FAM153A: variants seen among roughly 807,000 people sequenced by gnomAD.
The protein encoded by FAM153A is protein FAM153A.
In FAM153A, 12 loss-of-function variants were observed where a neutral mutation model predicts 48.1. The ratio of observed to expected loss-of-function variants is 0.25; its 90% CI spans 0.16 to 0.40. The LOEUF (loss-of-function observed/expected upper bound fraction) is 0.40, where lower values mean the gene tolerates loss of function less well. Among genes scored for constraint, FAM153A ranks in the 10% least tolerant of loss-of-function variants. FAM153A has a pLI of 1.00. For missense variants in FAM153A, 111 were observed against 345.8 expected (o/e 0.32, Z 5.38); for synonymous variants, 36 against 118.2 (o/e 0.30, Z 4.51).
the FAM153A span, among the ~76,000 whole-genome samples, chr5:177,696,030 G>GGGT: frequency 7.8e-4 from 105 of 134,246 alleles, no homozygotes; most frequent in Non-Finnish European, 1.1e-3. Context: ...TTCCTAGATG[G>GGGT]GGCGGCCGGG....
At chr5:177,702,316 A>G in the FAM153A span, among the ~76,000 whole-genome samples, 3 of 151,828 alleles carry the variant, frequency 2.0e-5, no homozygotes, top group Admixed American at 1.3e-4. Flanking sequence ...GATTTAGGCT[A>G]TCTGGTGGAA....
chr5:177,730,630 A>T (rs1763651217), intron 16 of FAM153A, among the ~76,000 whole-genome samples: 1 of 126,516 alleles, frequency 7.9e-6, no homozygotes, highest in East Asian at 2.6e-4. Context: ...ATTCTCCCAC[A>T]TGCACACAGA....
upstream of FAM153A, among the ~76,000 whole-genome samples, chr5:177,754,546 G>C (rs549362313): frequency 6.6e-6 from 1 of 151,860 alleles, no homozygotes. Context: ...TCCTCAAGTG[G>C]GTCCCTGACC....
chr5:177,738,323 C>T (rs1298528350), intron 10 of FAM153A, among the ~76,000 whole-genome samples: 4 of 151,360 alleles, frequency 2.6e-5, no homozygotes, highest in Non-Finnish European at 5.9e-5. Context: ...GAAAATAACA[C>T]AGCACTGCAG....
exon 27 of FAM153A, chr5:177,711,415 A>G (rs1298818275): frequency 6.6e-6 from 1 of 152,006 alleles, no homozygotes; most frequent in Non-Finnish European, 1.5e-5. Flanking sequence ...TCAAATATAC[A>G]AGGATAGACC....
At chr5:177,771,862 G>T (rs1410185342) in intron 1 of FAM153A, among the ~76,000 whole-genome samples, 3 of 95,334 alleles carry the variant, frequency 3.1e-5, no homozygotes, top group African/African-American at 1.3e-4. Context: ...GAGGCTGGGG[G>T]AATTAAGCAG....
downstream of FAM153A, among the ~76,000 whole-genome samples, chr5:177,718,806 A>G (rs867585105): frequency 0.013 from 1,946 of 147,226 alleles, 75 homozygotes; most frequent in African/African-American, 0.047. Flanking sequence ...TAAGAAAAAA[A>G]TAAAGCAGGC....
In FAM153A at chr5:177,728,437, A is replaced by G. The variant is rs1270393627; in HGVS notation, c.964+586T>C. On this transcript the variant is annotated intron_variant, in intron 18 of 20. Coordinates refer to ENST00000614127, the Ensembl canonical transcript of FAM153A. ...AAAGACATCCACAATCATTCCATAT[A>G]GACTCTCTCCTCTGTCCCTCCCAAC... 1.2e-4 allele frequency among the ~76,000 whole-genome samples: 18 copies of G among 148,988 alleles called. 1 individual carries two copies. The highest frequency in any genetic ancestry group is 4.3e-4 in the African/African-American group (17 of 39,338).
chr5:177,723,336 C>T (rs1338547955), downstream of FAM153A: 1 of 91,820 alleles, frequency 1.1e-5, no homozygotes, highest in African/African-American at 4.6e-5. Context: ...TGTATATGTA[C>T]ACACACACAC....
chr5:177,705,835 T>C (rs1757836412), downstream of FAM153A, among the ~76,000 whole-genome samples: 1 of 151,160 alleles, frequency 6.6e-6, no homozygotes, highest in African/African-American at 2.4e-5. Context: ...AATTTTTGTA[T>C]TTTTAGTGGA....
downstream of FAM153A, among the ~76,000 whole-genome samples, chr5:177,705,610 G>A: frequency 7.0e-6 from 1 of 143,750 alleles, no homozygotes; most frequent in Non-Finnish European, 1.5e-5. Flanking sequence ...CAAAAGAAGT[G>A]TAAAACTTGT....
the FAM153A span, among the ~76,000 whole-genome samples, chr5:177,702,554 T>C: frequency 6.6e-6 from 1 of 151,998 alleles, no homozygotes; most frequent in Admixed American, 6.5e-5. Flanking sequence ...CAAGTGCTAA[T>C]AGCCAAGACA....
At chr5:177,711,203 CTG>C (rs914858005) in exon 27 of FAM153A, 2 of 151,302 alleles carry the variant, frequency 1.3e-5, no homozygotes, top group African/African-American at 2.4e-5. Flanking sequence ...CTTCTGAAGA[CTG>C]TACTGGAATT....
At chr5:177,760,232 G>A (rs1348886815) in intron 1 of FAM153A, among the ~76,000 whole-genome samples, 2 of 74,010 alleles carry the variant, frequency 2.7e-5, no homozygotes, top group Non-Finnish European at 5.1e-5. Context: ...AATTGGGAAA[G>A]ACCTTTTTTT....
At chr5:177,718,312 G>A (rs1760283702), downstream of FAM153A, 1 of 76,852 alleles carries the variant, frequency 1.3e-5, no homozygotes. Context: ...GGAAGGTGCA[G>A]GCATTTCTTA....
At chr5:177,778,711 T>C (rs1300866362) in intron 1 of FAM153A, among the ~76,000 whole-genome samples, 1 of 96,828 alleles carries the variant, frequency 1.0e-5, no homozygotes, top group Admixed American at 1.1e-4. Context: ...AAGCAGAAGT[T>C]GCAGGGAGCC....
Position 177,746,141 on chromosome 5 carries a change from A to G in FAM153A, c.260-1174T>C, listed in dbSNP as rs545954808. Among the ~76,000 whole-genome samples the G allele has an allele frequency of 1.3e-5, 2 of 151,574 alleles. 1 individual carries two copies. Among genetic ancestry groups the G allele is most frequent in the African/African-American group, 4.9e-5 (2 of 40,922 alleles). ...AAAGACCAAGAGCTTGGGAAATTCA[A>G]CTCTGCAGCATGTCCATCCGAGGAC... On this transcript the variant is annotated intron_variant, in intron 4 of 20. Coordinates refer to ENST00000614127, the Ensembl canonical transcript of FAM153A.
rs760955664 is a variant in FAM153A, at chr5:177,729,593, T to C, written c.863-38A>G. 75 of 1,599,050 alleles carry C rather than the reference T, an allele frequency of 4.7e-5. No individual in the cohort carries two copies. The East Asian group carries it at 1.5e-3, about 31-fold the overall frequency. ...GTCGCTATAAGCACATGAGCTCCAC[T>C]GAGTGAATCCCTCAGGTGGTCTTGG... On this transcript the variant is annotated intron_variant, in intron 16 of 20. Coordinates refer to ENST00000614127, the Ensembl canonical transcript of FAM153A.
chr5:177,736,630 A>C, intron 11 of FAM153A, 21 bp from the exon 14 acceptor site: 1 of 1,602,268 alleles, frequency 6.2e-7, no homozygotes, highest in South Asian at 1.1e-5. Context: ...ACAAAACACT[A>C]TGAGGATCAG....
Sources: allele counts gnomAD v4.1 joint callset (sites outside exome capture counted in the v4.1 genomes callset), GRCh38; gene constraint gnomAD v4.1.1; transcripts MANE v1.5; gene names NCBI Gene and HGNC (gene_info 2026-07-23, HGNC 2026-07-21).